The following KIRREL3 variants were observed in gnomAD, a reference collection of about 807,000 sequenced individuals.
KIRREL3 encodes kirre like nephrin family adhesion molecule 3.
Under a neutral mutation model 89.7 loss-of-function variants are expected in KIRREL3, and 36 were observed. The observed-to-expected ratio is 0.40, with a 90% CI of 0.31 to 0.53. The LOEUF (loss-of-function observed/expected upper bound fraction) is 0.53. Among genes scored for constraint, KIRREL3 ranks in the 20% least tolerant of loss-of-function variants. KIRREL3 has a pLI of 0.49. For missense variants in KIRREL3, 864 were observed against 1,056.6 expected, an observed-to-expected ratio of 0.82 and a Z score of 2.53; for synonymous variants, 445 against 441.4, an observed-to-expected ratio of 1.01 and a Z score of -0.10.
chr11:126,440,844 T>G, intron 10 of KIRREL3: 2 of 481,506 alleles, frequency 4.2e-6, no homozygotes, highest in Non-Finnish European at 7.5e-6. Flanking sequence ...GCAGATAAAG[T>G]GCTAACCGAC....
At chr11:126,986,155 C>A (rs1414223475) in intron 1 of KIRREL3, among the ~76,000 whole-genome samples, 1 of 152,140 alleles carries the variant, frequency 6.6e-6, no homozygotes, top group South Asian at 2.1e-4. Flanking sequence ...CTGGCTCCCC[C>A]CAAGCCCCTC....
chr11:126,472,732 G>GAGAGAGAGAGAGAGAGAGAGAGA (rs1956933172), intron 5 of KIRREL3, among the ~76,000 whole-genome samples: 1 of 151,138 alleles, frequency 6.6e-6, no homozygotes, highest in African/African-American at 2.5e-5. Context: ...GAGAGAGAGA[G>GAGAGAGAGAGAGAGAGAGAGAGA]CACAAGTCAG....
intron 1 of KIRREL3, among the ~76,000 whole-genome samples, chr11:126,799,649 G>T (rs1365596908): frequency 1.3e-5 from 2 of 152,140 alleles, no homozygotes; most frequent in African/African-American, 4.8e-5. Context: ...ACTCCTTAGA[G>T]CAGGGAGCCA....
At chr11:126,487,867 C>T (rs1403686695) in intron 4 of KIRREL3, among the ~76,000 whole-genome samples, 4 of 152,338 alleles carry the variant, frequency 2.6e-5, no homozygotes, top group Admixed American at 2.0e-4. Context: ...TTGGCCGCCC[C>T]GCACTCCAGC....
chr11:126,930,134 C>T (rs1250989976), intron 1 of KIRREL3, among the ~76,000 whole-genome samples: 1 of 151,354 alleles, frequency 6.6e-6, no homozygotes, highest in Non-Finnish European at 1.5e-5. Flanking sequence ...CTCCCCCCTG[C>T]ACACTTTTCT....
At chr11:126,992,933 C>T (rs1950076957) in intron 1 of KIRREL3, among the ~76,000 whole-genome samples, 1 of 152,176 alleles carries the variant, frequency 6.6e-6, no homozygotes, top group Non-Finnish European at 1.5e-5. Context: ...CTTTAGCTAA[C>T]ACATCATTCT....
intron 1 of KIRREL3, among the ~76,000 whole-genome samples, chr11:126,590,371 T>G (rs1053742261): frequency 3.9e-5 from 6 of 152,160 alleles, no homozygotes; most frequent in African/African-American, 1.4e-4. Flanking sequence ...CAGAGTCGAC[T>G]CCTATGGGGC....
At position 126,647,330 on chromosome 11, in the gene KIRREL3, C is replaced by T. The variant is rs191902230; in HGVS notation, c.56-84418G>A. Among the ~76,000 whole-genome samples, 155 of 152,278 alleles carry T rather than the reference C, an allele frequency of 1.0e-3. No individual in the cohort carries two copies. The highest frequency in any genetic ancestry group is 3.4e-3 in the African/African-American group (141 of 41,562). On this transcript the variant is annotated intron_variant, in intron 1 of 16. Coordinates refer to ENST00000525144, the MANE Select transcript of KIRREL3 (RefSeq NM_032531.4). This position sits in a 1 kb window ranked among gnomAD's most constrained non-coding sequence, Gnocchi z 4.9. ...CCGTTTTAATTAACTTGTCTATTCACGCATCCAACAAATATTTAATGAGTT... is the reference window on the plus strand; with the variant it reads ...CCGTTTTAATTAACTTGTCTATTCATGCATCCAACAAATATTTAATGAGTT...
chr11:126,984,399 C>T (rs1353146826), intron 1 of KIRREL3, among the ~76,000 whole-genome samples: 3 of 152,206 alleles, frequency 2.0e-5, no homozygotes, highest in African/African-American at 4.8e-5. Context: ...GTGATGAGTG[C>T]TCTATGCCTT....
rs367576963 is a variant in KIRREL3 at position 126,835,130 on chromosome 11, T to C, written c.55+165325A>G. 1.2e-3 allele frequency among the ~76,000 whole-genome samples: 184 copies of C among 152,350 alleles called. 3 individuals carry two copies. In the South Asian group the frequency reaches 0.036, roughly 30 times the overall value. Reference sequence around the variant, plus strand: ...TGAGTTGAATTCTCCTGAAGACTTATATTTAATAATGACACCCCATGCAGA... The same window carrying C: ...TGAGTTGAATTCTCCTGAAGACTTACATTTAATAATGACACCCCATGCAGA... On this transcript the variant is annotated intron_variant, in intron 1 of 16. Transcript: ENST00000525144.
At chr11:126,820,864 G>T (rs184782393) in intron 1 of KIRREL3, among the ~76,000 whole-genome samples, 1 of 152,298 alleles carries the variant, frequency 6.6e-6, no homozygotes, top group Admixed American at 6.5e-5. Flanking sequence ...GAAACTATGG[G>T]TAAGAGACAT....
intron 2 of KIRREL3, among the ~76,000 whole-genome samples, chr11:126,539,980 C>T (rs1303687402): frequency 6.6e-6 from 1 of 152,174 alleles, no homozygotes; most frequent in Non-Finnish European, 1.5e-5. Flanking sequence ...TTGGGTGAAA[C>T]ATCTAAATCT....
At chr11:126,949,919 A>G (rs1389717962) in intron 1 of KIRREL3, among the ~76,000 whole-genome samples, 1 of 152,254 alleles carries the variant, frequency 6.6e-6, no homozygotes, top group Non-Finnish European at 1.5e-5. Flanking sequence ...CATTAAAACC[A>G]AAATAAATAA....
rs1371686753 is a variant in KIRREL3 at position 126,740,238 on chromosome 11, T to C, written c.56-177326A>G. 1.3e-5 allele frequency among the ~76,000 whole-genome samples: 2 copies of C among 152,190 alleles called. No individual in the cohort carries two copies. Among genetic ancestry groups the C allele is most frequent in the Non-Finnish European group, 1.5e-5 (1 of 68,032 alleles). Reference sequence around the variant, plus strand: ...CATTTTGAGCAGGTAATAAAGGCTATAGTGGGGGAGTTCTACGGTGATTAA... The same window carrying C: ...CATTTTGAGCAGGTAATAAAGGCTACAGTGGGGGAGTTCTACGGTGATTAA... On this transcript the variant is annotated intron_variant, in intron 1 of 16. Coordinates refer to ENST00000525144, the MANE Select transcript of KIRREL3 (RefSeq NM_032531.4). The surrounding 1 kb of genome is among the most constrained non-coding windows in gnomAD (Gnocchi z 6.0).
At chr11:126,536,526 G>C (rs1015441423) in intron 2 of KIRREL3, among the ~76,000 whole-genome samples, 1 of 152,056 alleles carries the variant, frequency 6.6e-6, no homozygotes, top group African/African-American at 2.4e-5. Flanking sequence ...AGTACAAAGA[G>C]TGTGGGATTT....
rs745805898 is a variant in KIRREL3 at position 126,456,039 on chromosome 11, G to GTTTTTTTTTTTTTTTTTTTTTTTTTT, written c.848+309_848+310insAAAAAAAAAAAAAAAAAAAAAAAAAA. ...GTTGTTCTGGTTTTTTTTTGTTTTC[G>GTTTTTTTTTTTTTTTTTTTTTTTTTT]TTTTTTTTTTTTTTTTTTCCTGAGC... On this transcript the variant is annotated intron_variant, in intron 7 of 16. Coordinates refer to ENST00000525144, the MANE Select transcript of KIRREL3 (RefSeq NM_032531.4). 1.3e-4 allele frequency among the ~76,000 whole-genome samples: 9 copies of GTTTTTTTTTTTTTTTTTTTTTTTTTT among 68,310 alleles called. 3 individuals are homozygous for GTTTTTTTTTTTTTTTTTTTTTTTTTT. Among genetic ancestry groups the GTTTTTTTTTTTTTTTTTTTTTTTTTT allele is most frequent in the African/African-American group, 4.3e-4 (7 of 16,350 alleles). 44.8% of individuals were successfully genotyped at this position (68,310 alleles called of 152,430 possible). A position where few individuals can be genotyped will look rare whatever the true frequency, so the allele number is the denominator to read the frequency against.
chr11:126,689,212 T>C lies in KIRREL3; in HGVS notation c.56-126300A>G, dbSNP rs1468496387. Among the ~76,000 whole-genome samples the C allele has an allele frequency of 6.6e-6, 1 of 152,168 alleles. No individual in the cohort carries two copies. The highest frequency in any genetic ancestry group is 1.5e-5 in the Non-Finnish European group (1 of 68,028). On this transcript the variant is annotated intron_variant, in intron 1 of 16. Transcript: ENST00000525144. This position sits in a 1 kb window ranked among gnomAD's most constrained non-coding sequence, Gnocchi z 5.2. ...CAGGAACTAGAAAGAATCCTGGAAA[T>C]AGTTAAGAAAGACGATTTTCCAATG... is the stretch of plus-strand genomic sequence containing the variant.
chr11:126,519,115 T>A lies in KIRREL3; in HGVS notation c.433+2200A>T, dbSNP rs576827904. On this transcript the variant is annotated intron_variant, in intron 4 of 16. Coordinates refer to ENST00000525144, the MANE Select transcript of KIRREL3 (RefSeq NM_032531.4). This position sits in a 1 kb window ranked among gnomAD's most constrained non-coding sequence, Gnocchi z 4.3. Reference sequence around the variant, plus strand: ...CTGATCTCCAGACTTGAATAAAACATCTCCCCCATACAAACCCAGCTCTGT... The same window carrying A: ...CTGATCTCCAGACTTGAATAAAACAACTCCCCCATACAAACCCAGCTCTGT... Among the ~76,000 whole-genome samples, 1 of 152,220 alleles carries A rather than the reference T, an allele frequency of 6.6e-6. No individual in the cohort carries two copies. Among genetic ancestry groups the A allele is most frequent in the Non-Finnish European group, 1.5e-5 (1 of 68,016 alleles).
chr11:126,665,510 G>A (rs1343880250), intron 1 of KIRREL3, among the ~76,000 whole-genome samples: 2 of 152,118 alleles, frequency 1.3e-5, no homozygotes, highest in East Asian at 1.9e-4. Flanking sequence ...AGGGCATGAG[G>A]GTGGAGCCCT....
Sources: gnomAD v4.1 joint callset for allele counts (sites outside exome capture counted in the v4.1 genomes callset) on GRCh38, gnomAD v4.1.1 for gene constraint, Gnocchi (gnomAD v3.1) non-coding constraint, MANE v1.5 for transcripts, NCBI Gene and HGNC (gene_info 2026-07-23, HGNC 2026-07-21) for gene names.